COL5A1: variants seen among roughly 807,000 people sequenced by gnomAD.
COL5A1 encodes the protein collagen type V alpha 1 chain.
A neutral mutation model predicts 263.7 loss-of-function variants in COL5A1; 16 were observed. The ratio of observed to expected loss-of-function variants is 0.06; its 90% CI spans 0.04 to 0.09. COL5A1 has a LOEUF of 0.09. COL5A1 is among the 10% of genes least tolerant of loss of function. The pLI, the probability that COL5A1 is intolerant of heterozygous loss-of-function variation, is 1.00. For missense variants in COL5A1, 2,036 were observed against 2,540.5 expected (o/e 0.80, Z 4.27); for synonymous variants, 1,012 against 1,004.5 (o/e 1.01, Z -0.14).
chr9:134,714,362 G>A (rs554707712), intron 4 of COL5A1, among the ~76,000 whole-genome samples: 8 of 150,818 alleles, frequency 5.3e-5, no homozygotes, highest in South Asian at 2.1e-4. Context: ...TAACAGTGGT[G>A]TGGTGGTAAT....
Position 134,756,929 on chromosome 9 carries a change from G to C in COL5A1, c.1881+111G>C, listed in dbSNP as rs531921534. The stretch of plus-strand genomic sequence containing the variant: ...GTGATGACTACGATTATGATGACAG[G>C]TGGCTCCGTCACTGGCATTTGACGT... On this transcript the variant is annotated intron_variant, in intron 17 of 65. Coordinates refer to ENST00000371817, the MANE Select transcript of COL5A1 (RefSeq NM_000093.5). 85 of 1,079,032 alleles carry C rather than the reference G, an allele frequency of 7.9e-5. No individual in the cohort carries two copies. In the East Asian group the frequency reaches 2.0e-3, roughly 26 times the overall value. The allele number at this position is 1,079,032 out of a possible 1,614,324, so 66.8% of individuals were successfully genotyped here.
chr9:134,818,751 C>T lies in COL5A1; in HGVS notation c.4326C>T (p.Ile1442=), dbSNP rs942145911. 3.1e-6 allele frequency: 5 copies of T among 1,612,426 alleles called. No homozygotes were observed. Among genetic ancestry groups the T allele is most frequent in the Non-Finnish European group, 1.7e-6 (2 of 1,179,668 alleles). Residue 1442 remains isoleucine, a synonymous_variant, in exon 55 of 66, where the codon ATC becomes ATT. Coordinates refer to ENST00000371817, the MANE Select transcript of COL5A1 (RefSeq NM_000093.5). The surrounding 1 kb of genome is among the most constrained non-coding windows in gnomAD (Gnocchi z 6.0). ...CCGGACCGGATGGCCTTCGAGGGAT[C>T]CCTGGCCCTGTGGTGAGTAGGCTGT... is the stretch of plus-strand genomic sequence containing the variant. ...GKPGPDGLRG[I]PGPVGEQGLP...
chr9:134,695,185 G>A (rs1200650224), intron 2 of COL5A1, among the ~76,000 whole-genome samples: 1 of 152,102 alleles, frequency 6.6e-6, no homozygotes, highest in Non-Finnish European at 1.5e-5. Flanking sequence ...TTCAGACCAG[G>A]CCTCTGAGAT....
chr9:134,750,439 G>A, intron 11 of COL5A1, 103 bp from the exon 12 acceptor site: 4 of 1,013,674 alleles, frequency 3.9e-6, no homozygotes, highest in Non-Finnish European at 6.2e-6. Flanking sequence ...CGTGTCCAGT[G>A]CATTTCCCGG....
Position 134,806,294 on chromosome 9 carries a change from C to G in COL5A1, c.3364C>G (p.Pro1122Ala). ...PPGPAGEKGA[P>A]GEKGPQGPAG... ...AGGGCCGGCAGGAGAGAAAGGGGCTCCTGTAAGTACTGCCTTGGATTGGGG... is the reference window on the plus strand; with the variant it reads ...AGGGCCGGCAGGAGAGAAAGGGGCTGCTGTAAGTACTGCCTTGGATTGGGG... The change falls in exon 42 of 66, where the codon CCT becomes GCT. Residue 1122 changes from proline to alanine, a missense_variant and splice_region_variant. This residue lies in a region of COL5A1 where 1,078 missense variants were observed against 1,521.4 expected (regional missense o/e 0.71). Transcript: ENST00000371817. 1 of 1,545,362 alleles carries G rather than the reference C, an allele frequency of 6.5e-7. No individual in the cohort carries two copies. Among genetic ancestry groups the G allele is most frequent in the Non-Finnish European group, 8.7e-7 (1 of 1,143,748 alleles).
At position 134,686,514 on chromosome 9, in the gene COL5A1, A is replaced by G. The variant is rs927644579; in HGVS notation, c.110-4398A>G. On this transcript the variant is annotated intron_variant, in intron 1 of 65. Transcript: ENST00000371817. The surrounding 1 kb of genome is among the most constrained non-coding windows in gnomAD (Gnocchi z 4.6). ...CCATCTGCCTGCCTCGGCCTCCCAA[A>G]GTGCTGGGATTCCAGTCCTGAGCCA... Among the ~76,000 whole-genome samples, 3 of 152,126 alleles carry G rather than the reference A, an allele frequency of 2.0e-5. No individual in the cohort carries two copies. Among genetic ancestry groups the G allele is most frequent in the Non-Finnish European group, 4.4e-5 (3 of 68,034 alleles).
intron 11 of COL5A1, among the ~76,000 whole-genome samples, chr9:134,749,746 C>T (rs1057225520): frequency 4.6e-5 from 7 of 152,214 alleles, no homozygotes; most frequent in African/African-American, 9.6e-5. Flanking sequence ...GGTTAAGCTC[C>T]AGTCTCTATG....
intron 1 of COL5A1, among the ~76,000 whole-genome samples, chr9:134,646,644 G>A (rs566749402): frequency 6.6e-6 from 1 of 152,298 alleles, no homozygotes; most frequent in African/African-American, 2.4e-5. Flanking sequence ...CGTTCCTCCT[G>A]TTTCCCTTTG....
chr9:134,670,181 C>A (rs1053328072), intron 1 of COL5A1, among the ~76,000 whole-genome samples: 5 of 152,222 alleles, frequency 3.3e-5, no homozygotes, highest in African/African-American at 1.2e-4. Context: ...CTGTTCCTCT[C>A]ATGTTGGGTT....
intron 2 of COL5A1, 68 bp downstream of exon 2, chr9:134,691,147 G>A: frequency 1.3e-6 from 2 of 1,599,248 alleles, no homozygotes; most frequent in South Asian, 2.2e-5. Context: ...GCCAGGAGCA[G>A]CGCTCAAGCC....
chr9:134,810,214 T>C, intron 43 of COL5A1, 41 bp from the exon 44 acceptor site: 1 of 1,608,910 alleles, frequency 6.2e-7, no homozygotes, highest in African/African-American at 1.3e-5. Flanking sequence ...GTCCAAACGG[T>C]TGTCAAGCTT....
chr9:134,800,033 C>T (rs545175945), intron 37 of COL5A1, among the ~76,000 whole-genome samples: 2 of 152,320 alleles, frequency 1.3e-5, no homozygotes, highest in South Asian at 2.1e-4. Flanking sequence ...GCATCTCCTC[C>T]ATGGGCTAGT....
chr9:134,731,340 A>G (rs1423659181), intron 7 of COL5A1, among the ~76,000 whole-genome samples, 156 bp from the exon 8 acceptor site: 1 of 152,158 alleles, frequency 6.6e-6, no homozygotes, highest in Admixed American at 6.5e-5. Flanking sequence ...GTCTCTGCCC[A>G]GTTGACCGGG....
Position 134,647,461 on chromosome 9 carries a change from G to T in COL5A1, c.109+5165G>T, listed in dbSNP as rs750033589. On this transcript the variant is annotated intron_variant, in intron 1 of 65. Transcript: ENST00000371817. The surrounding 1 kb of genome is among the most constrained non-coding windows in gnomAD (Gnocchi z 5.0). Reference sequence around the variant, plus strand: ...GCGATCTGCCTGCACACATGTGTTTGTGGGTATACATGTGTGTTTGAGTGT... The same window carrying T: ...GCGATCTGCCTGCACACATGTGTTTTTGGGTATACATGTGTGTTTGAGTGT... Among the ~76,000 whole-genome samples the T allele has an allele frequency of 2.0e-5, 3 of 152,230 alleles. No individual in the cohort carries two copies. Among genetic ancestry groups the T allele is most frequent in the Non-Finnish European group, 4.4e-5 (3 of 68,038 alleles).
intron 62 of COL5A1, 140 bp downstream of exon 62, chr9:134,824,995 G>A (rs896292118): frequency 2.6e-5 from 33 of 1,249,028 alleles, no homozygotes; most frequent in Non-Finnish European, 3.5e-5. Flanking sequence ...CTGTGGGGCC[G>A]GGGTGCGCAA....
At chr9:134,707,351 T>C (rs901171436) in intron 4 of COL5A1, among the ~76,000 whole-genome samples, 3 of 152,244 alleles carry the variant, frequency 2.0e-5, no homozygotes, top group Admixed American at 2.0e-4. Context: ...CTAACGGTCC[T>C]CCATCTGTCT....
Position 134,738,630 on chromosome 9 carries a change from T to A in COL5A1, c.1431+115T>A, listed in dbSNP as rs369562696. Reference sequence around the variant, plus strand: ...GAGGGGGGCTCTCCGCTTTTGCAGATCCCCTGGGAGCCGGCGCTATCCCAC... The same window carrying A: ...GAGGGGGGCTCTCCGCTTTTGCAGAACCCCTGGGAGCCGGCGCTATCCCAC... On this transcript the variant is annotated intron_variant, in intron 10 of 65. Transcript: ENST00000371817. The A allele has an allele frequency of 2.1e-5, 32 of 1,547,684 alleles. No homozygotes were observed. The African/African-American group carries it at 4.0e-4, about 19-fold the overall frequency.
At position 134,757,287 on chromosome 9, in the gene COL5A1, T is replaced by G. The variant is rs1836014056; in HGVS notation, c.1881+469T>G. On this transcript the variant is annotated intron_variant, in intron 17 of 65. Coordinates refer to ENST00000371817, the MANE Select transcript of COL5A1 (RefSeq NM_000093.5). This position sits in a 1 kb window ranked among gnomAD's most constrained non-coding sequence, Gnocchi z 6.2. ...CACCAGCTGTTGCTGTCGCCACTCA[T>G]GCCTGCCCGCTGCTGTGCTCAGTGT... Among the ~76,000 whole-genome samples, 1 of 152,176 alleles carries G rather than the reference T, an allele frequency of 6.6e-6. No individual in the cohort carries two copies.
chr9:134,824,646 G>A lies in COL5A1; in HGVS notation c.4745G>A (p.Arg1582Lys). ...VIQPLPIQAS[R>K]TRRNIDASQL... ...CAGCCCCTGCCAATCCAGGCATCCA[G>A]GACGCGGCGGAACATCGACGCCAGC... Residue 1582 changes from arginine (R) to lysine (K), a missense_variant, in exon 62 of 66, where the codon AGG (arginine) becomes AAG (lysine). Arg to Lys is a conservative substitution (Grantham distance 26). Around this residue, in one of 3 missense-constraint regions of COL5A1, gnomAD observed 358 missense variants for 384.6 expected, o/e 0.93. Coordinates refer to ENST00000371817, the MANE Select transcript of COL5A1 (RefSeq NM_000093.5). 2 of 1,614,232 alleles carry A rather than the reference G, an allele frequency of 1.2e-6. No homozygotes were observed. The highest frequency in any genetic ancestry group is 1.7e-6 in the Non-Finnish European group (2 of 1,180,048).
Sources: allele counts gnomAD v4.1 joint callset (sites outside exome capture counted in the v4.1 genomes callset), GRCh38; gene constraint gnomAD v4.1.1; regional missense constraint gnomAD v4.1.1; non-coding constraint Gnocchi (gnomAD v3.1); transcripts MANE v1.5; gene names NCBI Gene and HGNC (gene_info 2026-07-23, HGNC 2026-07-21).